NUBPL: variants seen among roughly 807,000 people sequenced by gnomAD.
NUBPL encodes iron-sulfur cluster transfer protein NUBPL.
A neutral mutation model predicts 45.7 loss-of-function variants in NUBPL; 31 were observed. The observed-to-expected ratio is 0.68, with a 90% CI of 0.51 to 0.92. The LOEUF is 0.92. Among genes scored for constraint, NUBPL ranks in the 40% least tolerant of loss-of-function variants. The pLI, the probability that NUBPL is intolerant of heterozygous loss-of-function variation, is 0.00. For synonymous variants in NUBPL, 144 were observed against 140.9 expected, an observed-to-expected ratio of 1.02 and a Z score of -0.15; for missense variants, 401 against 398.7, an observed-to-expected ratio of 1.01 and a Z score of -0.05.
intron 7 of NUBPL, among the ~76,000 whole-genome samples, chr14:31,810,674 T>A (rs555455842): frequency 2.6e-5 from 4 of 152,324 alleles, no homozygotes; most frequent in Non-Finnish European, 5.9e-5. Flanking sequence ...TGTTAGCTGA[T>A]TATTTTGTCC....
At chr14:31,649,263 A>G (rs899357830) in intron 4 of NUBPL, among the ~76,000 whole-genome samples, 1 of 152,236 alleles carries the variant, frequency 6.6e-6, no homozygotes, top group African/African-American at 2.4e-5. Flanking sequence ...TAAATTTACA[A>G]GAGTTGCTTA....
At chr14:31,841,764 T>G (rs1257009595) in intron 8 of NUBPL, among the ~76,000 whole-genome samples, 1 of 151,988 alleles carries the variant, frequency 6.6e-6, no homozygotes, top group African/African-American at 2.4e-5. Flanking sequence ...CCTGTCATAT[T>G]TAGCTCTAAA....
intron 6 of NUBPL, among the ~76,000 whole-genome samples, chr14:31,695,850 C>A (rs1476563236): frequency 6.6e-6 from 1 of 152,152 alleles, no homozygotes; most frequent in Non-Finnish European, 1.5e-5. Flanking sequence ...TCATTTGTGC[C>A]AAATTTCTCA....
chr14:31,565,549 A>G (rs2033414590), intron 3 of NUBPL, among the ~76,000 whole-genome samples: 1 of 152,130 alleles, frequency 6.6e-6, no homozygotes, highest in Admixed American at 6.5e-5. Flanking sequence ...ATCTAAAACA[A>G]TGTACATGTA....
At chr14:31,627,249 A>G (rs780461868) in intron 4 of NUBPL, among the ~76,000 whole-genome samples, 6 of 152,060 alleles carry the variant, frequency 3.9e-5, no homozygotes, top group South Asian at 2.1e-4. Context: ...ACTTTCTCAT[A>G]AGGGAAACCT....
intron 4 of NUBPL, among the ~76,000 whole-genome samples, chr14:31,635,409 A>G (rs1293971299): frequency 0.028 from 4,264 of 149,782 alleles, 88 homozygotes; most frequent in African/African-American, 0.064. Context: ...TAGATATGCG[A>G]CGTTATTTCT....
chr14:31,792,145 C>G (rs746678475), intron 7 of NUBPL, among the ~76,000 whole-genome samples: 4 of 152,124 alleles, frequency 2.6e-5, no homozygotes. Context: ...TAAAACCCAA[C>G]AATATTTGAC....
At chr14:31,807,007 A>AC (rs36194730) in intron 7 of NUBPL, among the ~76,000 whole-genome samples, 2 of 152,090 alleles carry the variant, frequency 1.3e-5, no homozygotes, top group East Asian at 1.9e-4. Flanking sequence ...ACATTTTCTT[A>AC]ATCCAGTCTA....
chr14:31,855,872 A>G (rs1475145908), intron 10 of NUBPL, among the ~76,000 whole-genome samples: 2 of 152,204 alleles, frequency 1.3e-5, no homozygotes, highest in African/African-American at 4.8e-5. Flanking sequence ...GTTTTTGACA[A>G]AATTATTTAC....
intron 4 of NUBPL, among the ~76,000 whole-genome samples, chr14:31,645,779 C>T (rs1374413243): frequency 7.5e-6 from 1 of 133,768 alleles, no homozygotes; most frequent in African/African-American, 2.7e-5. Flanking sequence ...TTTACACCCC[C>T]CCCCCCACAT....
At chr14:31,583,721 G>A (rs1487317131) in intron 3 of NUBPL, among the ~76,000 whole-genome samples, 1 of 152,138 alleles carries the variant, frequency 6.6e-6, no homozygotes, top group Non-Finnish European at 1.5e-5. Context: ...GTGGATACTG[G>A]AGATCAGGTT....
At chr14:31,749,233 C>T (rs749591488) in intron 6 of NUBPL, among the ~76,000 whole-genome samples, 12 of 151,924 alleles carry the variant, frequency 7.9e-5, no homozygotes, top group South Asian at 2.1e-4. Flanking sequence ...CTTTGCAGTT[C>T]GGTTGATGTC....
chr14:31,568,994 G>C (rs2033510781), intron 3 of NUBPL, among the ~76,000 whole-genome samples: 1 of 152,084 alleles, frequency 6.6e-6, no homozygotes, highest in Non-Finnish European at 1.5e-5. Context: ...TATGGTATTA[G>C]TATAGTAGCT....
rs77539990 is a variant in NUBPL, at chr14:31,561,516, G to T, written c.77G>T (p.Gly26Val). Residue 26 changes from glycine (G) to valine (V), a missense_variant, in exon 1 of 11, where the codon GGG becomes GTG. Gly to Val is a moderately radical substitution (Grantham distance 109). Coordinates refer to ENST00000281081, the MANE Select transcript of NUBPL (RefSeq NM_025152.3). Reference sequence around the variant, plus strand: ...GGTGGCGGGGCCACTGCCCCGCTTGGGGGAAGCCGAGCGATGGTTTGTGGG... The same window carrying T: ...GGTGGCGGGGCCACTGCCCCGCTTGTGGGAAGCCGAGCGATGGTTTGTGGG... ...RAGGGATAPL[G>V]GSRAMVCGRQ... The T allele has an allele frequency of 7.9e-4, 1,096 of 1,383,064 alleles. 8 individuals carry two copies. In the African/African-American group the frequency reaches 0.015, roughly 18 times the overall value. 85.7% of individuals were successfully genotyped at this position (1,383,064 alleles called of 1,614,324 possible). A position where few individuals can be genotyped will look rare whatever the true frequency, so the allele number is the denominator to read the frequency against.
chr14:31,693,853 T>TTTTA, intron 6 of NUBPL, among the ~76,000 whole-genome samples: 1 of 43,464 alleles, frequency 2.3e-5, no homozygotes, highest in South Asian at 6.1e-4. Context: ...TTTTCTTTTC[T>TTTTA]TTTCTTTTTT....
intron 6 of NUBPL, among the ~76,000 whole-genome samples, chr14:31,719,538 A>G (rs2037763632): frequency 6.6e-6 from 1 of 152,044 alleles, no homozygotes; most frequent in African/African-American, 2.4e-5. Context: ...TTAGTCTCCC[A>G]TAAAGAACTG....
At chr14:31,613,164 C>T (rs888696312) in intron 4 of NUBPL, among the ~76,000 whole-genome samples, 1 of 152,104 alleles carries the variant, frequency 6.6e-6, no homozygotes, top group African/African-American at 2.4e-5. Flanking sequence ...AACTGGAGAT[C>T]ATTATGTTAA....
chr14:31,596,902 C>A (rs1385342106), intron 3 of NUBPL, among the ~76,000 whole-genome samples: 3 of 152,116 alleles, frequency 2.0e-5, no homozygotes, highest in African/African-American at 7.2e-5. Context: ...AGAAGGAATT[C>A]AAAAAATGGG....
At chr14:31,708,268 C>T (rs552033986) in intron 6 of NUBPL, among the ~76,000 whole-genome samples, 1 of 152,126 alleles carries the variant, frequency 6.6e-6, no homozygotes, top group South Asian at 2.1e-4. Context: ...TCCTTTAATC[C>T]TTTATGAGCT....
Sources: gnomAD v4.1 joint callset for allele counts (sites outside exome capture counted in the v4.1 genomes callset) on GRCh38, gnomAD v4.1.1 for gene constraint, MANE v1.5 for transcripts, NCBI Gene and HGNC (gene_info 2026-07-23, HGNC 2026-07-21) for gene names.